Variants in ABTB2 observed in about 807,000 individuals in gnomAD.
The protein encoded by ABTB2 is ankyrin repeat and BTB domain containing 2, also known as ankyrin repeat and BTB/POZ domain-containing protein 2.
A neutral mutation model predicts 104.1 loss-of-function variants in ABTB2; 56 were observed. The observed-to-expected ratio is 0.54, with a 90% confidence interval of 0.43 to 0.67. The LOEUF is 0.67. Ranked by LOEUF, ABTB2 falls within the 30% of genes least tolerant of loss-of-function variation. The pLI is 0.00. For synonymous variants in ABTB2, 606 were observed against 608.2 expected, an observed-to-expected ratio of 1.00 and a Z score of 0.05; for missense variants, 1,279 against 1,407.7, an observed-to-expected ratio of 0.91 and a Z score of 1.46.
intron 1 of ABTB2, among the ~76,000 whole-genome samples, chr11:34,280,047 A>C (rs550890250): frequency 6.6e-6 from 1 of 152,252 alleles, no homozygotes; most frequent in South Asian, 2.1e-4. Flanking sequence ...CTGGGATTAC[A>C]GGCGTGAGCC....
At chr11:34,172,396 ATATAT>A (rs1265388721) in intron 4 of ABTB2, among the ~76,000 whole-genome samples, 39 of 22,920 alleles carry the variant, frequency 1.7e-3, no homozygotes, top group African/African-American at 5.6e-3. Flanking sequence ...AAAAAAAAAA[ATATAT>A]ATATATATAT....
At chr11:34,172,455 T>TAGAC (rs1554980711) in intron 4 of ABTB2, among the ~76,000 whole-genome samples, 33 of 120,082 alleles carry the variant, frequency 2.7e-4, no homozygotes, top group Admixed American at 1.9e-3. Flanking sequence ...GATAGATAGA[T>TAGAC]AGATAGATAG....
intron 1 of ABTB2, among the ~76,000 whole-genome samples, chr11:34,212,060 TTTTA>T (rs1297924098): frequency 6.6e-6 from 1 of 151,448 alleles, no homozygotes; most frequent in Admixed American, 6.6e-5. Context: ...GAGAAGCAGG[TTTTA>T]TTTATTTATT....
intron 1 of ABTB2, among the ~76,000 whole-genome samples, chr11:34,345,211 A>T (rs1216072926): frequency 6.6e-6 from 1 of 151,884 alleles, no homozygotes; most frequent in Non-Finnish European, 1.5e-5. Flanking sequence ...CTCCAACCAC[A>T]TCTCCTGCTA....
At chr11:34,201,408 T>C (rs1280368668) in intron 2 of ABTB2, among the ~76,000 whole-genome samples, 1 of 152,202 alleles carries the variant, frequency 6.6e-6, no homozygotes, top group Non-Finnish European at 1.5e-5. Context: ...GCCTAGAACA[T>C]CTGGCTCCCT....
intron 1 of ABTB2, among the ~76,000 whole-genome samples, chr11:34,331,103 C>G (rs1201828165): frequency 2.6e-5 from 4 of 152,168 alleles, no homozygotes; most frequent in Non-Finnish European, 1.5e-5. Flanking sequence ...TTCAAATGGG[C>G]TGCTTGCAGG....
intron 1 of ABTB2, among the ~76,000 whole-genome samples, chr11:34,344,951 C>T (rs1039965497): frequency 6.6e-6 from 1 of 152,190 alleles, no homozygotes; most frequent in Non-Finnish European, 1.5e-5. Flanking sequence ...AACTTGGTGT[C>T]ATCCTTGATT....
Position 34,271,734 on chromosome 11 carries a change from A to AATACATAC in ABTB2, c.884-67052_884-67045dup, listed in dbSNP as rs11268199. Among the ~76,000 whole-genome samples, 704 of 149,926 alleles carry AATACATAC rather than the reference A, an allele frequency of 4.7e-3. 5 individuals carry two copies. Among genetic ancestry groups the AATACATAC allele is most frequent in the African/African-American group, 0.013 (516 of 40,430 alleles). On this transcript the variant is annotated intron_variant, in intron 1 of 16. Coordinates refer to ENST00000435224, the MANE Select transcript of ABTB2 (RefSeq NM_145804.3). ...GGCGACAGAGTGAGACCCTATCTCA[A>AATACATAC]ATACATACATACATACATACATACA...
At chr11:34,289,535 C>T (rs924363327) in intron 1 of ABTB2, among the ~76,000 whole-genome samples, 2 of 152,154 alleles carry the variant, frequency 1.3e-5, no homozygotes, top group Admixed American at 6.5e-5. Context: ...AGCTATACTA[C>T]TTGTAAGCAG....
intron 1 of ABTB2, among the ~76,000 whole-genome samples, chr11:34,315,344 G>A (rs974550830): frequency 6.6e-6 from 1 of 152,160 alleles, no homozygotes; most frequent in Non-Finnish European, 1.5e-5. Flanking sequence ...GGGGAGAAAT[G>A]AGTCTATTTG....
intron 1 of ABTB2, among the ~76,000 whole-genome samples, chr11:34,343,361 C>G (rs1444739441): frequency 6.6e-6 from 1 of 152,202 alleles, no homozygotes; most frequent in Non-Finnish European, 1.5e-5. Context: ...TCACTACATA[C>G]CAGGCTCTCC....
At chr11:34,203,629 T>C (rs1853370975) in intron 2 of ABTB2, among the ~76,000 whole-genome samples, 2 of 152,198 alleles carry the variant, frequency 1.3e-5, no homozygotes, top group South Asian at 4.1e-4. Context: ...CCCAGCCCTA[T>C]TGCAGCTCTG....
intron 1 of ABTB2, among the ~76,000 whole-genome samples, chr11:34,301,424 C>T (rs557917899): frequency 4.6e-5 from 7 of 152,202 alleles, no homozygotes; most frequent in Admixed American, 3.3e-4. Context: ...AAATCTAAAT[C>T]GATGAATATG....
At chr11:34,187,143 TAGAG>T (rs1853111359) in intron 3 of ABTB2, among the ~76,000 whole-genome samples, 1 of 152,206 alleles carries the variant, frequency 6.6e-6, no homozygotes, top group Admixed American at 6.5e-5. Flanking sequence ...AAGGACCTGT[TAGAG>T]AGCTGTGTAC....
chr11:34,350,703 A>T (rs1301827487), intron 1 of ABTB2, among the ~76,000 whole-genome samples: 1 of 152,230 alleles, frequency 6.6e-6, no homozygotes, highest in African/African-American at 2.4e-5. Flanking sequence ...ACCATAGGCC[A>T]TTAACAAACA....
At chr11:34,266,535 T>G (rs1211952235) in intron 1 of ABTB2, among the ~76,000 whole-genome samples, 2 of 152,224 alleles carry the variant, frequency 1.3e-5, no homozygotes, top group East Asian at 3.8e-4. Context: ...TGTCTTGTTA[T>G]TTCTGAGCAA....
At chr11:34,165,973 C>T (rs1231613465) in intron 7 of ABTB2, among the ~76,000 whole-genome samples, 3 of 152,204 alleles carry the variant, frequency 2.0e-5, no homozygotes, top group South Asian at 2.1e-4. Flanking sequence ...CTAGCAAGGG[C>T]GGGCTTTGAC....
At chr11:34,273,564 G>C (rs1854345597) in intron 1 of ABTB2, among the ~76,000 whole-genome samples, 1 of 152,130 alleles carries the variant, frequency 6.6e-6, no homozygotes, top group Admixed American at 6.5e-5. Flanking sequence ...CATCTGAACT[G>C]TGGCCCCTTG....
intron 5 of ABTB2, among the ~76,000 whole-genome samples, chr11:34,170,326 A>G (rs982019589): frequency 2.0e-5 from 3 of 152,252 alleles, no homozygotes; most frequent in African/African-American, 4.8e-5. Flanking sequence ...TAAATGCTAT[A>G]TAAATGGTAG....
Sources: allele counts gnomAD v4.1 joint callset (sites outside exome capture counted in the v4.1 genomes callset), GRCh38; gene constraint gnomAD v4.1.1; transcripts MANE v1.5; gene names NCBI Gene and HGNC (gene_info 2026-07-23, HGNC 2026-07-21).